The following CSMD1 variants were observed in gnomAD, a reference collection of about 807,000 sequenced individuals.
The protein encoded by CSMD1 is CUB and sushi domain-containing protein 1.
A neutral mutation model predicts 417.5 loss-of-function variants in CSMD1; 213 were observed. That is an observed-to-expected ratio of 0.51 (90% CI 0.46 to 0.57). CSMD1 has a LOEUF of 0.57. CSMD1 is among the 20% of genes least tolerant of loss of function. The pLI is 0.00. For synonymous variants in CSMD1, 2,862 were observed against 1,736.8 expected (o/e 1.65, Z -16.11); for missense variants, 6,923 against 4,529.7 (o/e 1.53, Z -15.17).
chr8:4,471,946 A>C (rs1454027106), intron 2 of CSMD1, among the ~76,000 whole-genome samples: 1 of 152,176 alleles, frequency 6.6e-6, no homozygotes, highest in Admixed American at 6.5e-5. Flanking sequence ...TAGAGGGTGC[A>C]AAACAGTGAA....
chr8:4,084,389 G>A (rs978785440), intron 3 of CSMD1, among the ~76,000 whole-genome samples: 1 of 151,134 alleles, frequency 6.6e-6, no homozygotes, highest in Non-Finnish European at 1.5e-5. Context: ...AACAATATGC[G>A]ATTTAAATTT....
intron 3 of CSMD1, among the ~76,000 whole-genome samples, chr8:4,354,611 C>T (rs1041002456): frequency 1.3e-5 from 2 of 152,094 alleles, no homozygotes. Context: ...TCTCCTTGAA[C>T]GTATAAGAAC....
intron 5 of CSMD1, among the ~76,000 whole-genome samples, chr8:3,830,942 T>C (rs1375430826): frequency 6.6e-6 from 1 of 152,154 alleles, no homozygotes; most frequent in African/African-American, 2.4e-5. Context: ...CTTAAGTTCT[T>C]TCTGAGGGAC....
At chr8:3,225,978 C>T (rs1798479271) in intron 27 of CSMD1, among the ~76,000 whole-genome samples, 1 of 152,180 alleles carries the variant, frequency 6.6e-6, no homozygotes, top group South Asian at 2.1e-4. Context: ...TTTACAAAAC[C>T]TTTATCCACT....
At chr8:3,881,449 A>T (rs1490584553) in intron 5 of CSMD1, among the ~76,000 whole-genome samples, 1 of 151,818 alleles carries the variant, frequency 6.6e-6, no homozygotes, top group Non-Finnish European at 1.5e-5. Context: ...AGCCTGGTCA[A>T]GATGGTGAAA....
At chr8:3,240,139 T>G (rs1246002022) in intron 26 of CSMD1, among the ~76,000 whole-genome samples, 4 of 152,082 alleles carry the variant, frequency 2.6e-5, no homozygotes, top group African/African-American at 9.7e-5. Context: ...TCAAGTAATT[T>G]GGGTAAAAAG....
At chr8:4,094,603 G>A (rs76008528) in intron 3 of CSMD1, among the ~76,000 whole-genome samples, 1 of 152,144 alleles carries the variant, frequency 6.6e-6, no homozygotes, top group Non-Finnish European at 1.5e-5. Flanking sequence ...TGCTTGTGTA[G>A]GTCAGAGGAG....
At chr8:3,307,867 CAT>C (rs781233646) in intron 24 of CSMD1, 46 bp from the exon 25 acceptor site, 3 of 1,589,088 alleles carry the variant, frequency 1.9e-6, no homozygotes, top group African/African-American at 2.7e-5. Context: ...TCAGGCATCA[CAT>C]GTTTCTATTT....
At chr8:3,555,331 G>C (rs558702999) in intron 10 of CSMD1, among the ~76,000 whole-genome samples, 2 of 152,174 alleles carry the variant, frequency 1.3e-5, no homozygotes, top group East Asian at 2.0e-4. Flanking sequence ...TTCTGTTCTT[G>C]GGACACGTTC....
At chr8:4,306,150 G>C (rs993450338) in intron 3 of CSMD1, among the ~76,000 whole-genome samples, 5 of 150,330 alleles carry the variant, frequency 3.3e-5, no homozygotes, top group Admixed American at 2.0e-4. Context: ...ATTTTTAGAA[G>C]AAAGAGTACT....
At chr8:3,485,558 G>C (rs190000084) in intron 11 of CSMD1, among the ~76,000 whole-genome samples, 1 of 150,950 alleles carries the variant, frequency 6.6e-6, no homozygotes, top group African/African-American at 2.4e-5. Context: ...GAGAGAGAGA[G>C]AGAGAGGGAG....
At chr8:3,449,199 T>A (rs1226512064) in intron 12 of CSMD1, among the ~76,000 whole-genome samples, 3 of 152,212 alleles carry the variant, frequency 2.0e-5, no homozygotes, top group Non-Finnish European at 4.4e-5. Context: ...TTAAATTATT[T>A]GCATCAAAAT....
intron 5 of CSMD1, among the ~76,000 whole-genome samples, chr8:3,980,026 G>A (rs1269602615): frequency 1.3e-5 from 2 of 152,208 alleles, no homozygotes; most frequent in East Asian, 1.9e-4. Context: ...GTATTCACAT[G>A]GCAATGGTTC....
intron 2 of CSMD1, among the ~76,000 whole-genome samples, chr8:4,512,918 A>G (rs1003795185): frequency 6.6e-6 from 1 of 152,188 alleles, no homozygotes; most frequent in Admixed American, 6.5e-5. Flanking sequence ...GCTACAGAGT[A>G]TATGATTCCA....
chr8:3,856,292 T>C (rs1585097237), intron 5 of CSMD1, among the ~76,000 whole-genome samples: 1 of 152,170 alleles, frequency 6.6e-6, no homozygotes, highest in Non-Finnish European at 1.5e-5. Context: ...TTCCGCTTCA[T>C]CTTCCGCCAT....
At chr8:3,990,953 G>A (rs1182394104) in intron 5 of CSMD1, among the ~76,000 whole-genome samples, 3 of 152,174 alleles carry the variant, frequency 2.0e-5, no homozygotes, top group African/African-American at 2.4e-5. Context: ...TCTAGATGAT[G>A]CTTTTCAGAA....
chr8:3,632,367 C>T (rs1242437997), intron 7 of CSMD1, among the ~76,000 whole-genome samples: 1 of 152,150 alleles, frequency 6.6e-6, no homozygotes, highest in East Asian at 1.9e-4. Flanking sequence ...CCCACTTAAT[C>T]CTCAATGACT....
intron 5 of CSMD1, among the ~76,000 whole-genome samples, chr8:3,961,353 T>C (rs1812306907): frequency 6.6e-6 from 1 of 152,236 alleles, no homozygotes; most frequent in African/African-American, 2.4e-5. Context: ...GGTAAGCCAC[T>C]GAAGAACAAG....
At chr8:4,102,081 A>G (rs1801333728) in intron 3 of CSMD1, among the ~76,000 whole-genome samples, 1 of 152,176 alleles carries the variant, frequency 6.6e-6, no homozygotes, top group African/African-American at 2.4e-5. Flanking sequence ...CCTGCGCTGC[A>G]CTAATTTCTG....
Sources: gnomAD v4.1 joint callset for allele counts (sites outside exome capture counted in the v4.1 genomes callset) on GRCh38, gnomAD v4.1.1 for gene constraint, MANE v1.5 for transcripts, NCBI Gene and HGNC (gene_info 2026-07-23, HGNC 2026-07-21) for gene names.